Variants in PTCSC3 observed in about 807,000 individuals in gnomAD.
The protein encoded by PTCSC3 is papillary thyroid carcinoma susceptibility candidate 3, also known as papillary thyroid carcinoma susceptibility candidate 3 (non-protein coding).
chr14:36,142,163 G>A (rs1881437889), intron 3 of PTCSC3, among the ~76,000 whole-genome samples: 1 of 152,068 alleles, frequency 6.6e-6, no homozygotes. Flanking sequence ...GAAGTTTTTG[G>A]TAGATATTCC....
rs565604199 is a variant in PTCSC3, at chr14:36,154,699, G to A, written n.232-805C>T. 6.6e-5 allele frequency among the ~76,000 whole-genome samples: 10 copies of A among 152,228 alleles called. No individual in the cohort carries two copies. In the South Asian group the frequency reaches 2.1e-3, roughly 32 times the overall value. ...CATTATGTTGAAATCAGGAGCACAAGAGGAGTAGAGGCCTCTCTCTCTTTC... is the reference window on the plus strand; with the variant it reads ...CATTATGTTGAAATCAGGAGCACAAAAGGAGTAGAGGCCTCTCTCTCTTTC... On this transcript the variant is annotated intron_variant and non_coding_transcript_variant, in intron 2 of 3. Transcript: ENST00000556013.
chr14:36,152,319 G>A (rs1881741860), intron 3 of PTCSC3, among the ~76,000 whole-genome samples: 1 of 152,012 alleles, frequency 6.6e-6, no homozygotes, highest in South Asian at 2.1e-4. Flanking sequence ...GCCAGGAATG[G>A]TGGCACACAC....
intron 3 of PTCSC3, among the ~76,000 whole-genome samples, chr14:36,142,355 A>G (rs1881442517): frequency 6.6e-6 from 1 of 152,174 alleles, no homozygotes; most frequent in South Asian, 2.1e-4. Context: ...TACCTGCCGT[A>G]TGGTTGTGAT....
downstream of PTCSC3, among the ~76,000 whole-genome samples, chr14:36,135,009 C>T (rs1015496427): frequency 9.2e-5 from 14 of 152,044 alleles, no homozygotes; most frequent in African/African-American, 3.4e-4. Context: ...CAATTTTGGC[C>T]GCATGTGAAA....
intron 2 of PTCSC3, among the ~76,000 whole-genome samples, chr14:36,159,067 G>A (rs1445855380): frequency 1.3e-5 from 2 of 149,514 alleles, no homozygotes; most frequent in Non-Finnish European, 3.0e-5. Context: ...TTCTCTGATG[G>A]TAGTTTGTAT....
intron 2 of PTCSC3, among the ~76,000 whole-genome samples, chr14:36,159,616 T>G (rs1433944446): frequency 2.0e-5 from 3 of 152,210 alleles, no homozygotes; most frequent in African/African-American, 7.2e-5. Context: ...TATTGTTTGT[T>G]ATGATTTCCA....
chr14:36,156,118 A>G lies in PTCSC3; in HGVS notation n.232-2224T>C, dbSNP rs116999816. 1.4e-4 allele frequency among the ~76,000 whole-genome samples: 22 copies of G among 152,272 alleles called. No homozygotes were observed. The East Asian group carries it at 3.9e-3, about 27-fold the overall frequency. On this transcript the variant is annotated intron_variant and non_coding_transcript_variant, in intron 2 of 3. Transcript: ENST00000556013. Reference sequence around the variant, plus strand: ...TTTTTCTAGCTTTTGTGAAGATTATATGGTCTGTGGGTTCTGCCTGGTAAG... The same window carrying G: ...TTTTTCTAGCTTTTGTGAAGATTATGTGGTCTGTGGGTTCTGCCTGGTAAG...
chr14:36,159,711 T>C (rs1881911904), intron 2 of PTCSC3, among the ~76,000 whole-genome samples: 1 of 152,216 alleles, frequency 6.6e-6, no homozygotes, highest in Non-Finnish European at 1.5e-5. Flanking sequence ...GAGAAGAATG[T>C]ATATTCTGTT....
chr14:36,147,385 C>G (rs1004516057), intron 3 of PTCSC3, among the ~76,000 whole-genome samples: 2 of 152,012 alleles, frequency 1.3e-5, no homozygotes, highest in African/African-American at 4.8e-5. Flanking sequence ...TTTCTCTAAA[C>G]TTCCCTTCTC....
chr14:36,171,683 G>A (rs1282946709), intron 1 of PTCSC3, among the ~76,000 whole-genome samples: 8 of 152,230 alleles, frequency 5.3e-5, no homozygotes, highest in South Asian at 2.1e-4. Context: ...AACCCCGGGG[G>A]AAAATAACTA....
In PTCSC3 at chr14:36,162,066, G is replaced by A. The variant is rs183608031; in HGVS notation, n.231+558C>T. Among the ~76,000 whole-genome samples the A allele has an allele frequency of 1.4e-3, 213 of 152,126 alleles. 1 individual carries two copies. Among genetic ancestry groups the A allele is most frequent in the Non-Finnish European group, 2.7e-3 (186 of 67,992 alleles). On this transcript the variant is annotated intron_variant and non_coding_transcript_variant, in intron 2 of 3. Transcript: ENST00000556013. The stretch of plus-strand genomic sequence containing the variant: ...TGGCAGATGCCCCTCCCCTCACCAA[G>A]CTCGAGTGTCCCAGGTCAACTTCAG...
At chr14:36,156,326 T>A (rs2139101931) in intron 2 of PTCSC3, among the ~76,000 whole-genome samples, 1 of 152,346 alleles carries the variant, frequency 6.6e-6, no homozygotes, top group South Asian at 2.1e-4. Context: ...ATTAGAATGC[T>A]TTTTGCCTTC....
At chr14:36,169,067 A>G (rs1287372087) in intron 1 of PTCSC3, among the ~76,000 whole-genome samples, 1 of 152,182 alleles carries the variant, frequency 6.6e-6, no homozygotes, top group East Asian at 1.9e-4. Context: ...ACATTAAAAA[A>G]AAACTCTCTT....
intron 3 of PTCSC3, among the ~76,000 whole-genome samples, chr14:36,137,222 A>C (rs1210492575): frequency 6.6e-6 from 1 of 152,118 alleles, no homozygotes; most frequent in Non-Finnish European, 1.5e-5. Context: ...AACAAGCACA[A>C]AGGCCCTGAA....
At chr14:36,173,986 T>C (rs1004791725) in intron 1 of PTCSC3, among the ~76,000 whole-genome samples, 3 of 152,132 alleles carry the variant, frequency 2.0e-5, no homozygotes, top group Admixed American at 2.0e-4. Flanking sequence ...TAAAGTACCT[T>C]TTTTTTCTCT....
chr14:36,148,066 A>C (rs887422209), intron 3 of PTCSC3, among the ~76,000 whole-genome samples: 11 of 152,142 alleles, frequency 7.2e-5, no homozygotes, highest in Admixed American at 2.0e-4. Flanking sequence ...CTCTCTTCAA[A>C]GCTGTCAGAC....
chr14:36,149,325 C>T (rs147366882), intron 3 of PTCSC3, among the ~76,000 whole-genome samples: 1 of 151,862 alleles, frequency 6.6e-6, no homozygotes, highest in Non-Finnish European at 1.5e-5. Flanking sequence ...TATTTTAATT[C>T]AATTGTGGTC....
chr14:36,170,896 A>G (rs188651394), intron 1 of PTCSC3, among the ~76,000 whole-genome samples: 323 of 152,262 alleles, frequency 2.1e-3, no homozygotes, highest in Middle Eastern at 6.8e-3. Flanking sequence ...ACTTGAGGCT[A>G]TGTAGATACA....
intron 1 of PTCSC3, among the ~76,000 whole-genome samples, chr14:36,170,336 A>G (rs1034852177): frequency 6.6e-6 from 1 of 152,098 alleles, no homozygotes; most frequent in African/African-American, 2.4e-5. Context: ...TCAATTCAGT[A>G]TTCTGAACAA....
Sources: allele counts gnomAD v4.1 joint callset (sites outside exome capture counted in the v4.1 genomes callset), GRCh38; gene constraint gnomAD v4.1.1; transcripts MANE v1.5; gene names NCBI Gene and HGNC (gene_info 2026-07-23, HGNC 2026-07-21).